The following VMP1 variants were observed in gnomAD, a reference collection of about 807,000 sequenced individuals.
VMP1 encodes ectopic P-granules autophagy protein 3 homolog.
VMP1 carries 11 observed loss-of-function variants against 56.0 expected under a neutral mutation model. That is an observed-to-expected ratio of 0.20 (90% CI 0.12 to 0.32). VMP1 has a LOEUF of 0.32. VMP1 is among the 10% of genes least tolerant of loss of function. The pLI is 1.00. For synonymous variants in VMP1, 149 were observed against 165.0 expected, an observed-to-expected ratio of 0.90 and a Z score of 0.74; for missense variants, 296 against 490.3, an observed-to-expected ratio of 0.60 and a Z score of 3.74.
intron 5 of VMP1, among the ~76,000 whole-genome samples, chr17:59,748,048 T>G (rs957121988): frequency 2.0e-5 from 3 of 151,764 alleles, no homozygotes; most frequent in African/African-American, 7.3e-5. Context: ...TACAAAAAAT[T>G]AGCCAGGTGT....
At chr17:59,819,221 C>G (rs1049771105) in intron 10 of VMP1, among the ~76,000 whole-genome samples, 1 of 152,056 alleles carries the variant, frequency 6.6e-6, no homozygotes, top group African/African-American at 2.4e-5. Context: ...TTTTTTGCTG[C>G]CTGAATCCTT....
At chr17:59,758,903 T>C (rs2035944588) in intron 5 of VMP1, among the ~76,000 whole-genome samples, 1 of 152,026 alleles carries the variant, frequency 6.6e-6, no homozygotes, top group African/African-American at 2.4e-5. Context: ...GAGACCAGCC[T>C]GGGCAACAGG....
chr17:59,746,174 A>T (rs1428852389), intron 5 of VMP1, among the ~76,000 whole-genome samples: 1 of 152,054 alleles, frequency 6.6e-6, no homozygotes, highest in Admixed American at 6.6e-5. Context: ...TTATATTTTT[A>T]TTTATTTATT....
intron 9 of VMP1, 76 bp from the exon 10 acceptor site, chr17:59,817,636 C>A: frequency 9.2e-7 from 1 of 1,082,344 alleles, no homozygotes; most frequent in Non-Finnish European, 1.4e-6. Context: ...CCTCTTTAGA[C>A]TATTACCAGA....
At chr17:59,738,982 T>C in intron 5 of VMP1, 35 bp downstream of exon 5, 1 of 1,484,334 alleles carries the variant, frequency 6.7e-7, no homozygotes, top group Non-Finnish European at 9.1e-7. Context: ...GCAAAAATGA[T>C]ATTTCCTATC....
intron 7 of VMP1, among the ~76,000 whole-genome samples, chr17:59,790,184 C>T (rs1200451329): frequency 6.6e-6 from 1 of 152,086 alleles, no homozygotes; most frequent in Admixed American, 6.6e-5. Flanking sequence ...GGAGATTTCT[C>T]TCAATAGAGT....
intron 2 of VMP1, among the ~76,000 whole-genome samples, chr17:59,732,107 A>G (rs2034846623): frequency 6.6e-6 from 1 of 152,156 alleles, no homozygotes; most frequent in Non-Finnish European, 1.5e-5. Flanking sequence ...TGTTGTAATC[A>G]TACTTTTTTT....
chr17:59,723,244 A>G (rs998426309), intron 1 of VMP1, among the ~76,000 whole-genome samples: 1 of 152,206 alleles, frequency 6.6e-6, no homozygotes. Context: ...TGGCAACATC[A>G]TTTTGCCTTT....
At position 59,804,133 on chromosome 17, in the gene VMP1, A is replaced by G. The variant is rs2144188916; in HGVS notation, c.715-4663A>G. Among the ~76,000 whole-genome samples, 4 of 152,228 alleles carry G rather than the reference A, an allele frequency of 2.6e-5. No individual in the cohort carries two copies. In the South Asian group the frequency reaches 8.3e-4, roughly 32 times the overall value. On this transcript the variant is annotated intron_variant, in intron 7 of 11. Transcript: ENST00000262291. The stretch of plus-strand genomic sequence containing the variant: ...GAGCCGCCAAATTATACAAATAATT[A>G]AAAAATATACTGAAGTTGTTTTTAG...
intron 5 of VMP1, among the ~76,000 whole-genome samples, chr17:59,749,818 A>C (rs2035574206): frequency 6.6e-6 from 1 of 152,014 alleles, no homozygotes; most frequent in Non-Finnish European, 1.5e-5. Flanking sequence ...CCTCAAGTTA[A>C]AATAATCTTA....
At chr17:59,715,895 G>A (rs2034132582) in intron 1 of VMP1, among the ~76,000 whole-genome samples, 1 of 151,964 alleles carries the variant, frequency 6.6e-6, no homozygotes. Flanking sequence ...TGTTCTAGTA[G>A]TTCTGAGCAT....
At chr17:59,801,970 G>A (rs895819778) in intron 7 of VMP1, among the ~76,000 whole-genome samples, 1 of 152,128 alleles carries the variant, frequency 6.6e-6, no homozygotes, top group Non-Finnish European at 1.5e-5. Flanking sequence ...GGAGGCCAAG[G>A]TGGGCAGATC....
In VMP1 at chr17:59,808,836, T is replaced by C. The variant is rs1323897383; in HGVS notation, c.755T>C (p.Val252Ala). ...SRAKLAVQKL[V>A]QKVGFFGILA... ...GCCAAACTGGCAGTTCAAAAACTAG[T>C]ACAGAAAGTTGGATTTTTTGGAATT... is the stretch of plus-strand genomic sequence containing the variant. The change falls in exon 8 of 12, where the codon GTA becomes GCA. Residue 252 changes from valine (V) to alanine (A), a missense_variant. Around this residue, in one of 4 missense-constraint regions of VMP1, gnomAD observed 126 missense variants for 231.6 expected, o/e 0.54. Transcript: ENST00000262291. The C allele has an allele frequency of 6.2e-7, 1 of 1,614,118 alleles. No individual in the cohort carries two copies. The highest frequency in any genetic ancestry group is 8.5e-7 in the Non-Finnish European group (1 of 1,180,006).
At chr17:59,755,134 G>C in intron 5 of VMP1, among the ~76,000 whole-genome samples, 1 of 150,922 alleles carries the variant, frequency 6.6e-6, no homozygotes, top group Non-Finnish European at 1.5e-5. Flanking sequence ...TTTAGACGGA[G>C]ACTCACTCTG....
chr17:59,717,447 G>A lies in VMP1; in HGVS notation c.-27+9699G>A, dbSNP rs1457055228. Among the ~76,000 whole-genome samples the A allele has an allele frequency of 1.3e-4, 20 of 151,838 alleles. No individual in the cohort carries two copies. In the South Asian group the frequency reaches 1.7e-3, roughly 13 times the overall value. ...ACCCAGGCAGGAGTGCAGTGGCACTGTCTAGGCCCACTGCAACCTCCACCT... is the reference window on the plus strand; with the variant it reads ...ACCCAGGCAGGAGTGCAGTGGCACTATCTAGGCCCACTGCAACCTCCACCT... On this transcript the variant is annotated intron_variant, in intron 1 of 11. Transcript: ENST00000262291.
chr17:59,814,244 T>C (rs546444357), intron 9 of VMP1, among the ~76,000 whole-genome samples: 107 of 152,356 alleles, frequency 7.0e-4, no homozygotes, highest in Middle Eastern at 3.4e-3. Context: ...CCCAAAGTGC[T>C]GGGATTACAG....
At chr17:59,801,106 ATATATATGTGTG>A (rs1258148512) in intron 7 of VMP1, among the ~76,000 whole-genome samples, 4 of 128,166 alleles carry the variant, frequency 3.1e-5, no homozygotes, top group African/African-American at 1.6e-4. Context: ...ATATATATAT[ATATATATGTGTG>A]TGTGTGTGTG....
chr17:59,752,458 G>A (rs2035690286), intron 5 of VMP1, among the ~76,000 whole-genome samples: 1 of 152,130 alleles, frequency 6.6e-6, no homozygotes, highest in Non-Finnish European at 1.5e-5. Flanking sequence ...TGCCAAATAA[G>A]TACTATCATT....
rs34388637 is a variant in VMP1, at chr17:59,748,893, TA to T, written c.414+9947del. Among the ~76,000 whole-genome samples, 595 of 134,332 alleles carry T rather than the reference TA, an allele frequency of 4.4e-3. 6 individuals are homozygous for T. Among genetic ancestry groups the T allele is most frequent in the African/African-American group, 0.017 (551 of 31,920 alleles). The allele number at this position is 134,332 out of a possible 152,430, so 88.1% of individuals were successfully genotyped here. ...GGATAAATTTATTATTATTATTATT[TA>T]TTTTTTTTTTTTGAGACAGAGTCTC... On this transcript the variant is annotated intron_variant, in intron 5 of 11. Coordinates refer to ENST00000262291, the MANE Select transcript of VMP1 (RefSeq NM_030938.5).
Sources: gnomAD v4.1 joint callset for allele counts (sites outside exome capture counted in the v4.1 genomes callset) on GRCh38, gnomAD v4.1.1 for gene constraint, gnomAD v4.1.1 regional missense constraint, MANE v1.5 for transcripts, NCBI Gene and HGNC (gene_info 2026-07-23, HGNC 2026-07-21) for gene names.